PKD1L1: variants seen among roughly 807,000 people sequenced by gnomAD.
PKD1L1 encodes the protein polycystin-1-like protein 1.
A neutral mutation model predicts 323.4 loss-of-function variants in PKD1L1; 236 were observed. The ratio of observed to expected loss-of-function variants is 0.73; its 90% CI spans 0.66 to 0.81. The LOEUF is 0.81. Ranked by LOEUF, PKD1L1 falls within the 40% of genes least tolerant of loss-of-function variation. The pLI, the probability that PKD1L1 is intolerant of heterozygous loss-of-function variation, is 0.00. For missense variants in PKD1L1, 3,320 were observed against 3,508.0 expected, an observed-to-expected ratio of 0.95 and a Z score of 1.35; for synonymous variants, 1,344 against 1,335.0, an observed-to-expected ratio of 1.01 and a Z score of -0.15.
At chr7:47,893,690 C>G (rs554866722) in intron 15 of PKD1L1, among the ~76,000 whole-genome samples, 188 bp downstream of exon 15, 6 of 152,362 alleles carry the variant, frequency 3.9e-5, no homozygotes, top group Admixed American at 3.9e-4. Context: ...TAAAAAGCGA[C>G]TCACATTTTA....
intron 21 of PKD1L1, among the ~76,000 whole-genome samples, chr7:47,880,261 T>G (rs1460698628): frequency 1.0e-3 from 98 of 93,828 alleles, no homozygotes; most frequent in African/African-American, 5.0e-3. Flanking sequence ...TATATATATA[T>G]ATACATATAT....
chr7:47,872,872 G>A (rs77576172), intron 24 of PKD1L1, among the ~76,000 whole-genome samples: 2,273 of 152,268 alleles, frequency 0.015, 55 homozygotes, highest in Non-Finnish European at 0.015. Context: ...AATGTTCATA[G>A]CAGTGTGATT....
At chr7:47,853,912 G>T (rs992629911) in intron 30 of PKD1L1, among the ~76,000 whole-genome samples, 14 of 152,278 alleles carry the variant, frequency 9.2e-5, no homozygotes, top group South Asian at 4.1e-4. Flanking sequence ...CCACACGTAT[G>T]TTTGCATGTT....
At chr7:47,939,026 A>G (rs1787931204) in intron 3 of PKD1L1, among the ~76,000 whole-genome samples, 1 of 152,190 alleles carries the variant, frequency 6.6e-6, no homozygotes. Context: ...AAGTCACTGT[A>G]TGTGGCTATT....
chr7:47,867,155 T>C (rs1004998211), intron 24 of PKD1L1, among the ~76,000 whole-genome samples: 4 of 152,148 alleles, frequency 2.6e-5, no homozygotes, highest in African/African-American at 7.2e-5. Context: ...ATGTATAAAA[T>C]AGAAATTTTC....
intron 9 of PKD1L1, among the ~76,000 whole-genome samples, chr7:47,906,201 G>T (rs976246209): frequency 6.6e-6 from 1 of 152,126 alleles, no homozygotes; most frequent in Non-Finnish European, 1.5e-5. Flanking sequence ...TCCCTGCATG[G>T]TATTAAATAT....
At chr7:47,787,799 C>T (rs1244122689) in intron 56 of PKD1L1, among the ~76,000 whole-genome samples, 1 of 152,094 alleles carries the variant, frequency 6.6e-6, no homozygotes, top group African/African-American at 2.4e-5. Flanking sequence ...GCAGCCTTGA[C>T]CTCCTGAGCT....
chr7:47,850,914 G>C (rs1301623655), intron 31 of PKD1L1, among the ~76,000 whole-genome samples: 2 of 152,102 alleles, frequency 1.3e-5, no homozygotes, highest in African/African-American at 4.8e-5. Flanking sequence ...TATACTGTAG[G>C]ATAGAGCAAA....
In PKD1L1 at chr7:47,827,435, G is replaced by T; in HGVS notation, c.6769C>A (p.Arg2257Ser). 6.2e-7 allele frequency: 1 copy of T among 1,612,186 alleles called. No homozygotes were observed. ...LAARQQARHL[R>S]WAHPPSKAQL... ...GCCTTGGATGGTGGATGCGCCCAGC[G>T]CAGGTGGCGAGCTTGTTGTCGGGCA... The change falls in exon 45 of 57, where the codon CGC (arginine) becomes AGC (serine). Residue 2257 changes from arginine (R) to serine (S), a missense_variant. Transcript: ENST00000289672.
chr7:47,782,711 CT>C (rs1255870336), intron 56 of PKD1L1, among the ~76,000 whole-genome samples: 1 of 152,180 alleles, frequency 6.6e-6, no homozygotes, highest in Non-Finnish European at 1.5e-5. Flanking sequence ...GAAAAGTCTA[CT>C]GGGATAGTGG....
Position 47,858,810 on chromosome 7 carries a change from A to G in PKD1L1, c.4225T>C (p.Phe1409Leu). The G allele has an allele frequency of 6.2e-7, 1 of 1,614,194 alleles. No homozygotes were observed. The highest frequency in any genetic ancestry group is 8.5e-7 in the Non-Finnish European group (1 of 1,180,030). Reference sequence around the variant, plus strand: ...AGCCTCACTCCTTTGTCAATCACAAATGGCCCCGAGAACTGGCCTTGAGCA... The same window carrying G: ...AGCCTCACTCCTTTGTCAATCACAAGTGGCCCCGAGAACTGGCCTTGAGCA... ...LLAQGQFSGP[F>L]VIDKGVRLEL... Residue 1409 changes from phenylalanine to leucine, a missense_variant, in exon 27 of 57, where the codon TTT (phenylalanine) becomes CTT (leucine). Physicochemically the swap from Phe to Leu is conservative, Grantham distance 22. Transcript: ENST00000289672.
intron 21 of PKD1L1, among the ~76,000 whole-genome samples, chr7:47,879,633 A>G (rs1325658837): frequency 1.8e-5 from 1 of 54,998 alleles, no homozygotes; most frequent in Non-Finnish European, 3.5e-5. Flanking sequence ...ACTTTGTCTC[A>G]AAAAAAAAAA....
At chr7:47,787,252 A>G (rs1243682537) in intron 56 of PKD1L1, among the ~76,000 whole-genome samples, 2 of 151,982 alleles carry the variant, frequency 1.3e-5, no homozygotes, top group Non-Finnish European at 2.9e-5. Flanking sequence ...TGAGTTCTGC[A>G]GGCAGAAACC....
In PKD1L1 at chr7:47,897,061, G is replaced by C. The variant is rs186617825; in HGVS notation, c.2271+927C>G. ...GCAGCCTGTTGTCACTTGGCCCATC[G>C]TTACCTGCCTATTTCGCGATGAGAT... On this transcript the variant is annotated intron_variant, in intron 14 of 56. Transcript: ENST00000289672. Among the ~76,000 whole-genome samples the C allele has an allele frequency of 1.9e-3, 292 of 152,272 alleles. 2 individuals carry two copies. Among genetic ancestry groups the C allele is most frequent in the African/African-American group, 6.4e-3 (266 of 41,546 alleles).
At chr7:47,793,111 C>T (rs1786991712) in intron 55 of PKD1L1, among the ~76,000 whole-genome samples, 1 of 147,182 alleles carries the variant, frequency 6.8e-6, no homozygotes, top group Non-Finnish European at 1.5e-5. Flanking sequence ...AAAATAAGGT[C>T]ATTCTTTCAT....
chr7:47,808,739 A>G (rs906394173), intron 51 of PKD1L1, among the ~76,000 whole-genome samples: 1 of 152,236 alleles, frequency 6.6e-6, no homozygotes, highest in Non-Finnish European at 1.5e-5. Flanking sequence ...ATACAGTACA[A>G]AAGGTAAAAA....
In PKD1L1 at chr7:47,912,765, G is replaced by A. The variant is rs1257480431; in HGVS notation, c.1228+2667C>T. Among the ~76,000 whole-genome samples, 21 of 137,514 alleles carry A rather than the reference G, an allele frequency of 1.5e-4. No individual in the cohort carries two copies. In the Admixed American group the frequency reaches 1.6e-3, roughly 11 times the overall value. 90.2% of individuals were successfully genotyped at this position (137,514 alleles called of 152,430 possible). On this transcript the variant is annotated intron_variant, in intron 8 of 56. Transcript: ENST00000289672. ...CAGGAGATGGAGGTTGCAGTGAGCCGAGATCATGCCACTGTACTCCAGCCT... is the reference window on the plus strand; with the variant it reads ...CAGGAGATGGAGGTTGCAGTGAGCCAAGATCATGCCACTGTACTCCAGCCT...
At chr7:47,865,648 C>T (rs564128583) in intron 25 of PKD1L1, among the ~76,000 whole-genome samples, 4 of 145,506 alleles carry the variant, frequency 2.7e-5, no homozygotes, top group Admixed American at 2.0e-4. Context: ...TGCAGTGGCG[C>T]GATCTCAGCT....
At position 47,831,499 on chromosome 7, in the gene PKD1L1, C is replaced by T. The variant is rs182843801; in HGVS notation, c.6338-147G>A. 3.4e-4 allele frequency: 386 copies of T among 1,120,168 alleles called. 1 individual carries two copies. The Middle Eastern group carries it at 5.3e-3, about 15-fold the overall frequency. The allele number at this position is 1,120,168 out of a possible 1,614,324, so 69.4% of individuals were successfully genotyped here. A position where few individuals can be genotyped will look rare whatever the true frequency, so the allele number is the denominator to read the frequency against. ...GTTAAATGTGATTTTTGAGTGTGTT[C>T]GGGGTTGGGGGTGTTTCCAGGTGGC... On this transcript the variant is annotated intron_variant, in intron 41 of 56. Coordinates refer to ENST00000289672, the MANE Select transcript of PKD1L1 (RefSeq NM_138295.5).
Sources: allele counts gnomAD v4.1 joint callset (sites outside exome capture counted in the v4.1 genomes callset), GRCh38; gene constraint gnomAD v4.1.1; transcripts MANE v1.5; gene names NCBI Gene and HGNC (gene_info 2026-07-23, HGNC 2026-07-21).